The following CAMKMT variants were observed in gnomAD, a reference collection of about 807,000 sequenced individuals.
CAMKMT encodes calmodulin-lysine N-methyltransferase.
CAMKMT carries 53 observed loss-of-function variants against 48.0 expected under a neutral mutation model. The observed-to-expected ratio is 1.10, with a 90% CI of 0.89 to 1.39. The LOEUF is 1.39. Ranked by LOEUF, CAMKMT falls within the 40% of genes most tolerant of loss-of-function variation. CAMKMT has a pLI of 0.00. For missense variants in CAMKMT, 428 were observed against 402.7 expected, an observed-to-expected ratio of 1.06 and a Z score of -0.54; for synonymous variants, 165 against 152.3, an observed-to-expected ratio of 1.08 and a Z score of -0.61.
Position 44,738,303 on chromosome 2 carries a change from C to T in CAMKMT, c.624-5319C>T, listed in dbSNP as rs1679474443. ...TCTTAAGGATTACTGTCCTGTGTTG[C>T]TGATGTTCAGTGTCTTGAAAACTAT... On this transcript the variant is annotated intron_variant, in intron 7 of 10. Transcript: ENST00000378494. Among the ~76,000 whole-genome samples, 7 of 152,218 alleles carry T rather than the reference C, an allele frequency of 4.6e-5. No individual in the cohort carries two copies. In the South Asian group the frequency reaches 1.4e-3, roughly 32 times the overall value.
intron 3 of CAMKMT, among the ~76,000 whole-genome samples, chr2:44,700,183 G>T (rs1489568339): frequency 1.3e-5 from 2 of 152,170 alleles, no homozygotes; most frequent in Non-Finnish European, 2.9e-5. Context: ...AGCCTTCATA[G>T]AATTGAAGAG....
chr2:44,526,265 G>A (rs1288042923), intron 3 of CAMKMT, among the ~76,000 whole-genome samples: 2 of 152,152 alleles, frequency 1.3e-5, no homozygotes, highest in East Asian at 3.8e-4. Flanking sequence ...TGTCTGCCTA[G>A]AAAATGTATA....
At chr2:44,673,476 A>G (rs1675464886) in intron 3 of CAMKMT, among the ~76,000 whole-genome samples, 1 of 81,388 alleles carries the variant, frequency 1.2e-5, no homozygotes, top group Admixed American at 1.5e-4. Context: ...AGAGAGAGGA[A>G]GGAAGGAAGG....
At chr2:44,365,384 T>C (rs1257898826) in intron 1 of CAMKMT, among the ~76,000 whole-genome samples, 1 of 152,194 alleles carries the variant, frequency 6.6e-6, no homozygotes, top group Non-Finnish European at 1.5e-5. Flanking sequence ...CCAGGTTACA[T>C]GGTAAGTTGC....
chr2:44,464,226 A>T (rs910511465), intron 3 of CAMKMT, among the ~76,000 whole-genome samples: 3 of 152,196 alleles, frequency 2.0e-5, no homozygotes, highest in African/African-American at 7.2e-5. Flanking sequence ...CCAACAAGAG[A>T]CTTGATCAAA....
At chr2:44,466,340 A>G (rs1668111441) in intron 3 of CAMKMT, among the ~76,000 whole-genome samples, 1 of 152,238 alleles carries the variant, frequency 6.6e-6, no homozygotes. Flanking sequence ...TTCTGACCAC[A>G]CTGAAATAAA....
At chr2:44,475,140 C>G (rs1668621543) in intron 3 of CAMKMT, among the ~76,000 whole-genome samples, 1 of 152,014 alleles carries the variant, frequency 6.6e-6, no homozygotes, top group East Asian at 1.9e-4. Context: ...TTTGTATCCT[C>G]TTGAGTATTT....
intron 3 of CAMKMT, among the ~76,000 whole-genome samples, chr2:44,475,992 A>G: frequency 6.6e-6 from 1 of 152,324 alleles, no homozygotes; most frequent in South Asian, 2.1e-4. Flanking sequence ...CATAAATACC[A>G]TTGCATTTGA....
At chr2:44,623,414 G>A (rs1672301497) in intron 3 of CAMKMT, among the ~76,000 whole-genome samples, 1 of 152,152 alleles carries the variant, frequency 6.6e-6, no homozygotes, top group Non-Finnish European at 1.5e-5. Context: ...CTGATACAGA[G>A]GAGGGTATTT....
intron 3 of CAMKMT, among the ~76,000 whole-genome samples, chr2:44,584,504 T>C (rs901126915): frequency 6.6e-6 from 1 of 152,216 alleles, no homozygotes; most frequent in Admixed American, 6.5e-5. Context: ...AAATGCTTCC[T>C]AAGTTGTTGA....
chr2:44,382,780 A>C (rs1029102608), intron 2 of CAMKMT, among the ~76,000 whole-genome samples: 1 of 151,996 alleles, frequency 6.6e-6, no homozygotes, highest in African/African-American at 2.4e-5. Flanking sequence ...CGCCCGGCCA[A>C]CTTTTTTCAT....
chr2:44,692,084 C>T (rs191427264), intron 3 of CAMKMT, among the ~76,000 whole-genome samples: 2 of 152,188 alleles, frequency 1.3e-5, no homozygotes, highest in African/African-American at 2.4e-5. Flanking sequence ...TCAAAGCTCC[C>T]GTAACAAGGG....
chr2:44,723,424 C>G (rs1003342017), intron 7 of CAMKMT, among the ~76,000 whole-genome samples: 1 of 151,898 alleles, frequency 6.6e-6, no homozygotes, highest in Non-Finnish European at 1.5e-5. Context: ...AACCCCACCT[C>G]TACTAAAAAC....
intron 3 of CAMKMT, among the ~76,000 whole-genome samples, chr2:44,602,772 T>A (rs1296145255): frequency 1.3e-5 from 2 of 152,036 alleles, no homozygotes; most frequent in Non-Finnish European, 2.9e-5. Flanking sequence ...GAGAATAGCA[T>A]GAGGAAAATT....
At chr2:44,688,697 G>A (rs1410554670) in intron 3 of CAMKMT, among the ~76,000 whole-genome samples, 1 of 152,032 alleles carries the variant, frequency 6.6e-6, no homozygotes, top group Non-Finnish European at 1.5e-5. Context: ...AGAAGGGGAG[G>A]CAGTTCTCCT....
At chr2:44,574,987 C>T (rs1360012444) in intron 3 of CAMKMT, among the ~76,000 whole-genome samples, 4 of 152,038 alleles carry the variant, frequency 2.6e-5, no homozygotes, top group Admixed American at 2.0e-4. Flanking sequence ...AACTCCTGAC[C>T]TCAAATGATC....
chr2:44,405,581 A>G, intron 3 of CAMKMT, among the ~76,000 whole-genome samples: 1 of 152,126 alleles, frequency 6.6e-6, no homozygotes. Flanking sequence ...TAACTTTATT[A>G]ATCTTTGTAC....
At chr2:44,573,810 TAGTTTA>T (rs1489539762) in intron 3 of CAMKMT, among the ~76,000 whole-genome samples, 3 of 152,204 alleles carry the variant, frequency 2.0e-5, no homozygotes, top group Admixed American at 1.3e-4. Flanking sequence ...CCAAATGTAT[TAGTTTA>T]TTTTTTCTTC....
At chr2:44,444,625 A>T (rs568262652) in intron 3 of CAMKMT, among the ~76,000 whole-genome samples, 37 of 152,324 alleles carry the variant, frequency 2.4e-4, no homozygotes, top group African/African-American at 8.7e-4. Flanking sequence ...GCTACTGTTC[A>T]AGTTATACAC....
Sources: allele counts gnomAD v4.1 joint callset (sites outside exome capture counted in the v4.1 genomes callset), GRCh38; gene constraint gnomAD v4.1.1; transcripts MANE v1.5; gene names NCBI Gene and HGNC (gene_info 2026-07-23, HGNC 2026-07-21).